Variants in GAS2 observed in about 807,000 individuals in gnomAD.
GAS2 encodes the protein growth arrest specific 2, also known as growth arrest-specific protein 2.
GAS2 carries 20 observed loss-of-function variants against 37.5 expected under a neutral mutation model. The ratio of observed to expected loss-of-function variants is 0.53; its 90% CI spans 0.37 to 0.77. The LOEUF is 0.77. GAS2 is among the 30% of genes least tolerant of loss of function. GAS2 has a pLI of 0.00. For synonymous variants in GAS2, 144 were observed against 132.2 expected (o/e 1.09, Z -0.61); for missense variants, 336 against 373.4 (o/e 0.90, Z 0.82).
chr11:22,635,580 C>T (rs1042351269), intron 1 of GAS2, among the ~76,000 whole-genome samples: 5 of 152,216 alleles, frequency 3.3e-5, no homozygotes, highest in African/African-American at 7.2e-5. Flanking sequence ...CCCTCCCTGT[C>T]GGCCTGCAGA....
At chr11:22,791,506 A>G (rs1856162004) in intron 7 of GAS2, among the ~76,000 whole-genome samples, 1 of 152,264 alleles carries the variant, frequency 6.6e-6, no homozygotes. Flanking sequence ...CATAATATAC[A>G]GGAAAAGAAA....
At chr11:22,674,239 T>C (rs1849321718) in intron 1 of GAS2, among the ~76,000 whole-genome samples, 4 of 152,104 alleles carry the variant, frequency 2.6e-5, no homozygotes, top group Admixed American at 2.6e-4. Flanking sequence ...TTTTTCTTTT[T>C]TTGGTTTCTT....
At chr11:22,790,896 C>T (rs968417305) in intron 7 of GAS2, among the ~76,000 whole-genome samples, 2 of 151,980 alleles carry the variant, frequency 1.3e-5, no homozygotes, top group Non-Finnish European at 2.9e-5. Context: ...GCAGAGAAGA[C>T]CTGTTTTTTG....
intron 3 of GAS2, among the ~76,000 whole-genome samples, chr11:22,721,467 A>C (rs1040454213): frequency 1.3e-5 from 2 of 152,008 alleles, no homozygotes; most frequent in African/African-American, 2.4e-5. Flanking sequence ...TAACTACTGG[A>C]TTTGATGGGA....
intron 7 of GAS2, among the ~76,000 whole-genome samples, chr11:22,760,039 C>A (rs767994638): frequency 8.5e-5 from 13 of 152,290 alleles, no homozygotes; most frequent in Non-Finnish European, 1.9e-4. Flanking sequence ...CTCACTGCAA[C>A]CTCCATCTCC....
At chr11:22,635,270 G>A (rs1474568715) in intron 1 of GAS2, among the ~76,000 whole-genome samples, 1 of 152,198 alleles carries the variant, frequency 6.6e-6, no homozygotes, top group Admixed American at 6.5e-5. Context: ...CCTCCCACAT[G>A]CCAGCATAAG....
At chr11:22,683,454 C>A (rs1211655764) in intron 2 of GAS2, among the ~76,000 whole-genome samples, 1 of 152,020 alleles carries the variant, frequency 6.6e-6, no homozygotes, top group East Asian at 1.9e-4. Context: ...TTAGTAGAGG[C>A]AGGGTTTCAC....
At chr11:22,749,076 C>T (rs1565124800) in intron 5 of GAS2, 44 bp from the exon 6 acceptor site, 4 of 1,535,866 alleles carry the variant, frequency 2.6e-6, no homozygotes, top group Non-Finnish European at 3.5e-6. Context: ...GTAATTGTAT[C>T]ATTATAAGTT....
chr11:22,737,915 C>A, intron 5 of GAS2, 147 bp downstream of exon 5: 1 of 713,500 alleles, frequency 1.4e-6, no homozygotes, highest in Non-Finnish European at 2.5e-6. Flanking sequence ...TTCTTGAGGG[C>A]AGCAGTTAAC....
At chr11:22,662,437 A>G (rs1300082436), upstream of GAS2, among the ~76,000 whole-genome samples, 1 of 152,254 alleles carries the variant, frequency 6.6e-6, no homozygotes, top group South Asian at 2.1e-4. Flanking sequence ...TTCTAAAATA[A>G]TCATTCATTT....
chr11:22,710,312 A>G (rs889512069), intron 3 of GAS2, among the ~76,000 whole-genome samples: 1 of 152,150 alleles, frequency 6.6e-6, no homozygotes, highest in Non-Finnish European at 1.5e-5. Flanking sequence ...GAAAATACTT[A>G]TCTCATACAT....
Position 22,674,919 on chromosome 11 carries a change from A to T in GAS2, c.50A>T (p.Asp17Val). ...GTACGCAGTGGACCTGGCCTCTCTG[A>T]TATGCATCAGTATAGCCAATGGCTA... ...PKVRSGPGLS[D>V]MHQYSQWLAS... Residue 17 changes from aspartate (D) to valine (V), a missense_variant, in exon 2 of 8, where the codon GAT becomes GTT. By Grantham distance (152) the Asp-to-Val change is radical. Coordinates refer to ENST00000454584, the MANE Select transcript of GAS2 (RefSeq NM_001143830.3). 1.2e-6 allele frequency: 2 copies of T among 1,613,786 alleles called. No homozygotes were observed. The highest frequency in any genetic ancestry group is 1.7e-6 in the Non-Finnish European group (2 of 1,179,822).
intron 3 of GAS2, among the ~76,000 whole-genome samples, chr11:22,694,100 A>G (rs1565091698): frequency 2.0e-5 from 3 of 152,180 alleles, no homozygotes; most frequent in Admixed American, 6.6e-5. Flanking sequence ...TAATCTGCAC[A>G]ACAAACCCTC....
At chr11:22,645,835 C>G (rs1485406750) in intron 1 of GAS2, among the ~76,000 whole-genome samples, 1 of 106,278 alleles carries the variant, frequency 9.4e-6, no homozygotes, top group South Asian at 3.7e-4. Context: ...TTTTCTTTTT[C>G]TTTTCTTTTC....
chr11:22,667,050 CG>C (rs1849008841), intron 1 of GAS2, 151 bp downstream of exon 1: 1 of 152,224 alleles, frequency 6.6e-6, no homozygotes, highest in African/African-American at 2.4e-5. Context: ...AGGAACGAGG[CG>C]GGGAAGAGTG....
chr11:22,647,628 G>A lies in GAS2; in HGVS notation c.-21+21815G>A, dbSNP rs1471015371. On this transcript the variant is annotated intron_variant, in intron 1 of 5. Coordinates refer to the GAS2 transcript ENST00000528582. ...ATGATTGCCATTCTAACTGGTGTGA[G>A]ACGGTATCTCATTGTGGTTTTGATT... Among the ~76,000 whole-genome samples, 6 of 152,318 alleles carry A rather than the reference G, an allele frequency of 3.9e-5. No homozygotes were observed. In the South Asian group the frequency reaches 1.2e-3, roughly 32 times the overall value.
At chr11:22,797,082 T>C (rs1476970360) in intron 7 of GAS2, among the ~76,000 whole-genome samples, 3 of 152,108 alleles carry the variant, frequency 2.0e-5, no homozygotes, top group African/African-American at 7.2e-5. Context: ...AATGGTGCCA[T>C]ACACTGGTAA....
chr11:22,768,472 C>T (rs941802646), intron 7 of GAS2, among the ~76,000 whole-genome samples: 2 of 152,174 alleles, frequency 1.3e-5, no homozygotes, highest in African/African-American at 4.8e-5. Flanking sequence ...GCACTACACT[C>T]ACAGCTTGCC....
chr11:22,632,387 C>A (rs1858755925), intron 1 of GAS2, among the ~76,000 whole-genome samples: 2 of 152,180 alleles, frequency 1.3e-5, no homozygotes, highest in African/African-American at 2.4e-5. Flanking sequence ...ATAGCCCTTT[C>A]TGGCTTATAA....
Sources: gnomAD v4.1 joint callset for allele counts (sites outside exome capture counted in the v4.1 genomes callset) on GRCh38, gnomAD v4.1.1 for gene constraint, MANE v1.5 for transcripts, NCBI Gene and HGNC (gene_info 2026-07-23, HGNC 2026-07-21) for gene names.